AP3D1: variants seen among roughly 807,000 people sequenced by gnomAD.
AP3D1 encodes adaptor related protein complex 3 subunit delta 1.
In AP3D1, 51 loss-of-function variants were observed where a neutral mutation model predicts 147.6. The observed-to-expected ratio is 0.35, with a 90% CI of 0.28 to 0.44. The LOEUF (loss-of-function observed/expected upper bound fraction) is 0.44, where lower values mean the gene tolerates loss of function less well. Ranked by LOEUF, AP3D1 falls within the 20% of genes least tolerant of loss-of-function variation. The pLI is 1.00. For missense variants in AP3D1, 1,421 were observed against 1,624.2 expected (o/e 0.87, Z 2.15); for synonymous variants, 760 against 663.0 (o/e 1.15, Z -2.25).
At chr19:2,117,100 G>T in intron 16 of AP3D1, 122 bp downstream of exon 16, 1 of 1,275,924 alleles carries the variant, frequency 7.8e-7, no homozygotes, top group Non-Finnish European at 1.1e-6. Context: ...CCCGCCTGAG[G>T]CCTCCAATCA....
In AP3D1 at chr19:2,111,679, C is replaced by T; in HGVS notation, c.2937G>A (p.Pro979=). Residue 979 remains proline, a splice_region_variant and synonymous_variant, in exon 25 of 32, where the codon CCG becomes CCA. Coordinates refer to ENST00000643116, the MANE Select transcript of AP3D1 (RefSeq NM_001261826.3). Reference sequence around the variant, plus strand: ...GCGGGGGCGCTGAAGTACCCCTCACCGGGAGCTGCTCCTCCTCTGGCGCGC... The same window carrying T: ...GCGGGGGCGCTGAAGTACCCCTCACTGGGAGCTGCTCCTCCTCTGGCGCGC... The part of the protein sequence containing the change: ...QNGAPEEEQL[P]PESSYSLLAE... The T allele has an allele frequency of 6.3e-7, 1 of 1,586,448 alleles. No homozygotes were observed. The highest frequency in any genetic ancestry group is 2.3e-5 in the East Asian group (1 of 43,688).
chr19:2,109,255 G>A (rs774421209), intron 29 of AP3D1, 48 bp from the exon 30 acceptor site: 1 of 1,523,640 alleles, frequency 6.6e-7, no homozygotes, highest in Non-Finnish European at 8.8e-7. Flanking sequence ...GGGCTCCTCA[G>A]GCTTCCTGGC....
At chr19:2,127,817 G>A (rs2018800299) in intron 8 of AP3D1, among the ~76,000 whole-genome samples, 1 of 152,218 alleles carries the variant, frequency 6.6e-6, no homozygotes, top group African/African-American at 2.4e-5. Flanking sequence ...GTGAGCCACA[G>A]CTCCCAGCCC....
intron 9 of AP3D1, among the ~76,000 whole-genome samples, chr19:2,124,720 G>C (rs2018704536): frequency 6.6e-6 from 1 of 152,142 alleles, no homozygotes; most frequent in South Asian, 2.1e-4. Flanking sequence ...GCGGGCAGAT[G>C]ACCTGAGGTC....
chr19:2,115,372 C>T lies in AP3D1; in HGVS notation c.2196G>A (p.Arg732=). 1 of 1,606,864 alleles carries T rather than the reference C, an allele frequency of 6.2e-7. No individual in the cohort carries two copies. Among genetic ancestry groups the T allele is most frequent in the Middle Eastern group, 1.7e-4 (1 of 6,060 alleles). ...TGTCCTTCTCCAGCTTCTGCCGGTG[C>T]CGCCGCTCCTCCTCCAGCTTCACAT... ...DQYVKLEEER[R]HRQKLEKDKR... is the part of the protein sequence containing the mutation. Residue 732 remains arginine (R), a synonymous_variant, in exon 20 of 32, where the codon CGG becomes CGA. Transcript: ENST00000643116.
Position 2,132,508 on chromosome 19 carries a change from T to A in AP3D1, c.425A>T (p.Asp142Val). The change falls in exon 5 of 32, where the codon GAC becomes GTC. Residue 142 changes from aspartate (D) to valine (V), a missense_variant. Physicochemically the swap from Asp to Val is radical, Grantham distance 152. Transcript: ENST00000643116. The stretch of plus-strand genomic sequence containing the variant: ...GTCATTTGCCAGGTCTCTGGCAAGG[T>A]CTGGGGTGACGAAGCAGGACAGACC... ...LTGLSCFVTP[D>V]LARDLANDIM... 2 of 1,611,228 alleles carry A rather than the reference T, an allele frequency of 1.2e-6. No homozygotes were observed. The highest frequency in any genetic ancestry group is 1.7e-6 in the Non-Finnish European group (2 of 1,177,730).
At chr19:2,140,564 AC>A (rs1456263237) in intron 1 of AP3D1, among the ~76,000 whole-genome samples, 3 of 144,818 alleles carry the variant, frequency 2.1e-5, no homozygotes, top group African/African-American at 2.6e-5. Flanking sequence ...CAGCCTCCAC[AC>A]CCCAGACTCA....
At chr19:2,115,105 G>A in intron 20 of AP3D1, 114 bp downstream of exon 20, 1 of 1,143,374 alleles carries the variant, frequency 8.7e-7, no homozygotes, top group Non-Finnish European at 1.2e-6. Flanking sequence ...CCGGGGTGGG[G>A]CCTCATCCCA....
chr19:2,110,262 CG>C, intron 27 of AP3D1, 38 bp from the exon 28 acceptor site: 1 of 1,580,510 alleles, frequency 6.3e-7, no homozygotes, highest in Non-Finnish European at 8.7e-7. Context: ...TGAGACGCTG[CG>C]GGGGCTCAGC....
Position 2,160,260 on chromosome 19 carries a change from G to C in AP3D1, c.-103+4096C>G, listed in dbSNP as rs12971884. ...AAGTGGGAGGAGGCCAGGTGTGGTGGCTCAAGCCTGTAATCCCAGCACCTT... is the reference window on the plus strand; with the variant it reads ...AAGTGGGAGGAGGCCAGGTGTGGTGCCTCAAGCCTGTAATCCCAGCACCTT... On this transcript the variant is annotated intron_variant, in intron 1 of 14. Transcript: ENST00000643010. 7.6e-4 allele frequency among the ~76,000 whole-genome samples: 115 copies of C among 152,062 alleles called. 1 individual carries two copies. Among genetic ancestry groups the C allele is most frequent in the Non-Finnish European group, 1.3e-3 (89 of 67,914 alleles).
chr19:2,153,226 T>G (rs962824401), upstream of AP3D1, among the ~76,000 whole-genome samples: 1 of 149,962 alleles, frequency 6.7e-6, no homozygotes, highest in Non-Finnish European at 1.5e-5. Flanking sequence ...ATTAAAAAAT[T>G]AGCCAGACGT....
At chr19:2,132,372 G>C (rs1216237215) in intron 5 of AP3D1, 99 bp downstream of exon 5, 3 of 1,103,446 alleles carry the variant, frequency 2.7e-6, no homozygotes, top group Non-Finnish European at 4.0e-6. Flanking sequence ...CGGGGACCCC[G>C]GCCGGTTTCC....
chr19:2,125,127 A>C (rs1421387521), intron 9 of AP3D1, among the ~76,000 whole-genome samples: 1 of 152,184 alleles, frequency 6.6e-6, no homozygotes, highest in African/African-American at 2.4e-5. Flanking sequence ...GCCGCCCAAA[A>C]ACTACTGAAA....
chr19:2,118,910 C>G, intron 14 of AP3D1, 78 bp from the exon 15 acceptor site: 1 of 1,354,992 alleles, frequency 7.4e-7, no homozygotes, highest in South Asian at 1.3e-5. Context: ...CCTAGGAGGC[C>G]TGGGCTCGTC....
At chr19:2,159,829 T>A (rs2019681439) in intron 1 of AP3D1, among the ~76,000 whole-genome samples, 1 of 151,110 alleles carries the variant, frequency 6.6e-6, no homozygotes, top group Non-Finnish European at 1.5e-5. Flanking sequence ...GCCTCCAGAG[T>A]AGCTGGGACT....
chr19:2,120,366 A>G (rs1041936101), intron 14 of AP3D1, among the ~76,000 whole-genome samples: 13 of 152,192 alleles, frequency 8.5e-5, no homozygotes, highest in Non-Finnish European at 1.6e-4. Flanking sequence ...GCCCACCTGG[A>G]ACCTGGCACT....
chr19:2,114,418 C>T, intron 21 of AP3D1, 116 bp from the exon 22 acceptor site: 1 of 881,112 alleles, frequency 1.1e-6, no homozygotes, highest in Admixed American at 2.5e-5. Flanking sequence ...CAGCCCCTGG[C>T]CCCAGCCATG....
At position 2,114,225 on chromosome 19, in the gene AP3D1, A is replaced by G; in HGVS notation, c.2501T>C (p.Val834Ala). ...CTTGCTCTTCTTTTCTACCATGGGA[A>G]CGTCCTTCTCAGGGGATTTTGAGGT... ...TETSKSPEKD[V>A]PMVEKKSKKP... The change falls in exon 22 of 32, where the codon GTT becomes GCT. Residue 834 changes from valine to alanine, a missense_variant. Around this residue, in one of 6 missense-constraint regions of AP3D1, gnomAD observed 791 missense variants for 761.4 expected, o/e 1.04. Coordinates refer to ENST00000643116, the MANE Select transcript of AP3D1 (RefSeq NM_001261826.3). 6.2e-7 allele frequency: 1 copy of G among 1,604,744 alleles called. No homozygotes were observed. The highest frequency in any genetic ancestry group is 8.5e-7 in the Non-Finnish European group (1 of 1,176,626).
chr19:2,103,774 G>T (rs764325379), intron 31 of AP3D1, among the ~76,000 whole-genome samples: 2 of 152,128 alleles, frequency 1.3e-5, no homozygotes, highest in Non-Finnish European at 1.5e-5. Context: ...AGCACTCCAC[G>T]GAAAACGACC....
Sources: allele counts gnomAD v4.1 joint callset (sites outside exome capture counted in the v4.1 genomes callset), GRCh38; gene constraint gnomAD v4.1.1; regional missense constraint gnomAD v4.1.1; transcripts MANE v1.5; gene names NCBI Gene and HGNC (gene_info 2026-07-23, HGNC 2026-07-21).